Variants in EIF4G3 observed in about 807,000 individuals in gnomAD.
EIF4G3 encodes eIF-4-gamma 3.
EIF4G3 carries 34 observed loss-of-function variants against 186.4 expected under a neutral mutation model. The observed-to-expected ratio is 0.18, with a 90% CI of 0.14 to 0.24. The LOEUF is 0.24. Ranked by LOEUF, EIF4G3 falls within the 10% of genes least tolerant of loss-of-function variation. The pLI is 1.00. For missense variants in EIF4G3, 1,536 were observed against 1,948.5 expected (o/e 0.79, Z 3.99); for synonymous variants, 673 against 679.5 (o/e 0.99, Z 0.15).
chr1:21,132,423 A>C (rs969443737), intron 2 of EIF4G3, among the ~76,000 whole-genome samples: 1 of 152,114 alleles, frequency 6.6e-6, no homozygotes, highest in Non-Finnish European at 1.5e-5. Flanking sequence ...CTGAATAGTG[A>C]AATTAGGGTT....
rs1318377568 is a variant in EIF4G3, at chr1:20,882,640, C to CA, written c.2425-3121dup. Among the ~76,000 whole-genome samples the CA allele has an allele frequency of 3.2e-4, 45 of 138,534 alleles. No homozygotes were observed. The South Asian group carries it at 8.3e-3, about 26-fold the overall frequency. The allele number at this position is 138,534 out of a possible 152,430, so 90.9% of individuals were successfully genotyped here. ...CATCTCAAAAAAAAACAAAAAAAAA[C>CA]AAAAAAAAATTAACAAATTAGCCAG... On this transcript the variant is annotated intron_variant, in intron 19 of 36. Coordinates refer to ENST00000602326, the MANE Select transcript of EIF4G3 (RefSeq NM_001391906.1).
At chr1:21,139,454 C>T (rs951270386) in intron 2 of EIF4G3, among the ~76,000 whole-genome samples, 2 of 151,454 alleles carry the variant, frequency 1.3e-5, no homozygotes, top group Non-Finnish European at 2.9e-5. Context: ...GACCCTGTCT[C>T]GGAAAAAAAC....
At chr1:20,860,084 G>A (rs2075991317) in intron 24 of EIF4G3, among the ~76,000 whole-genome samples, 1 of 152,082 alleles carries the variant, frequency 6.6e-6, no homozygotes, top group Non-Finnish European at 1.5e-5. Context: ...ACTTTGAGAG[G>A]GAAGTAACTA....
chr1:20,837,472 G>T (rs1381316880), intron 30 of EIF4G3, among the ~76,000 whole-genome samples: 1 of 152,120 alleles, frequency 6.6e-6, no homozygotes, highest in Non-Finnish European at 1.5e-5. Context: ...CCAAAGTGCT[G>T]GGATTACAGG....
intron 18 of EIF4G3, chr1:20,892,854 T>G (rs1390889289): frequency 1.5e-6 from 1 of 647,794 alleles, no homozygotes; most frequent in Non-Finnish European, 2.6e-6. Flanking sequence ...TATATATTTT[T>G]TCAGAGACAG....
intron 2 of EIF4G3, 60 bp from the exon 3 acceptor site, chr1:21,089,273 A>G: frequency 1.4e-6 from 1 of 705,960 alleles, no homozygotes. Context: ...GTTAGAGAAA[A>G]TTGCAACCAC....
At chr1:20,845,300 C>T (rs1285293821) in intron 29 of EIF4G3, among the ~76,000 whole-genome samples, 2 of 152,030 alleles carry the variant, frequency 1.3e-5, no homozygotes, top group Non-Finnish European at 2.9e-5. Flanking sequence ...TTCTCTATTC[C>T]GTTCCACTGG....
intron 23 of EIF4G3, among the ~76,000 whole-genome samples, 171 bp downstream of exon 23, chr1:20,862,057 C>T (rs563256212): frequency 6.6e-6 from 1 of 152,122 alleles, no homozygotes; most frequent in Non-Finnish European, 1.5e-5. Context: ...TGGCAATAGG[C>T]CTTTTGTCCC....
rs1013231420 is a variant in EIF4G3 at position 21,062,648 on chromosome 1, G to A, written c.-195-11654C>T. Among the ~76,000 whole-genome samples, 12 of 152,038 alleles carry A rather than the reference G, an allele frequency of 7.9e-5. No homozygotes were observed. In the East Asian group the frequency reaches 1.7e-3, roughly 22 times the overall value. ...CTCGTTGCCCAAGCTGGAGTGCAACGGTGCAATCTTGGCTCACTGCAACCA... is the reference window on the plus strand; with the variant it reads ...CTCGTTGCCCAAGCTGGAGTGCAACAGTGCAATCTTGGCTCACTGCAACCA... On this transcript the variant is annotated intron_variant, in intron 3 of 36. Coordinates refer to ENST00000602326, the MANE Select transcript of EIF4G3 (RefSeq NM_001391906.1).
intron 2 of EIF4G3, among the ~76,000 whole-genome samples, chr1:21,148,524 A>C (rs1175549569): frequency 6.6e-6 from 1 of 151,954 alleles, no homozygotes; most frequent in Non-Finnish European, 1.5e-5. Flanking sequence ...AACACGGTGA[A>C]ACCCCATCTC....
chr1:21,054,742 G>A (rs2094485378), intron 3 of EIF4G3, among the ~76,000 whole-genome samples: 3 of 152,010 alleles, frequency 2.0e-5, no homozygotes. Flanking sequence ...CTAGTCCCTG[G>A]TACTCTAACC....
chr1:20,871,163 T>TCCC (rs1233449868), intron 20 of EIF4G3, among the ~76,000 whole-genome samples: 4 of 152,146 alleles, frequency 2.6e-5, no homozygotes, highest in African/African-American at 9.7e-5. Context: ...CAAAAGAGGT[T>TCCC]TTAAATGGAG....
Position 20,940,193 on chromosome 1 carries a change from G to A in EIF4G3, c.1663+1298C>T, listed in dbSNP as rs72652977. 3.9e-3 allele frequency among the ~76,000 whole-genome samples: 586 copies of A among 152,192 alleles called. 2 individuals are homozygous for A. The highest frequency in any genetic ancestry group is 6.7e-3 in the Non-Finnish European group (457 of 67,988). Reference sequence around the variant, plus strand: ...TTCTAAAGGGTAACTGACAAAACAAGGTCTAAGGTCATCTCTCCACCAAGG... The same window carrying A: ...TTCTAAAGGGTAACTGACAAAACAAAGTCTAAGGTCATCTCTCCACCAAGG... On this transcript the variant is annotated intron_variant, in intron 14 of 36. Coordinates refer to ENST00000602326, the MANE Select transcript of EIF4G3 (RefSeq NM_001391906.1).
chr1:21,019,437 A>G (rs2090106499), intron 4 of EIF4G3, among the ~76,000 whole-genome samples: 1 of 152,252 alleles, frequency 6.6e-6, no homozygotes, highest in South Asian at 2.1e-4. Flanking sequence ...CATAAATGGT[A>G]GACAGCTATA....
At chr1:20,961,443 C>T (rs1304249590) in intron 12 of EIF4G3, among the ~76,000 whole-genome samples, 1 of 152,020 alleles carries the variant, frequency 6.6e-6, no homozygotes, top group Admixed American at 6.6e-5. Flanking sequence ...TCAGTGTACC[C>T]ACAAAAATTT....
At chr1:20,827,790 C>T in intron 31 of EIF4G3, 92 bp from the exon 32 acceptor site, 1 of 756,840 alleles carries the variant, frequency 1.3e-6, no homozygotes, top group Non-Finnish European at 2.2e-6. Context: ...AAACCAGATA[C>T]TGTGCAACCT....
chr1:20,865,059 T>TTTC (rs2077263620), intron 21 of EIF4G3, 57 bp downstream of exon 21: 1 of 1,592,230 alleles, frequency 6.3e-7, no homozygotes, highest in Non-Finnish European at 8.6e-7. Flanking sequence ...CTTCCTGAAA[T>TTTC]TTCTACTTTA....
intron 4 of EIF4G3, among the ~76,000 whole-genome samples, chr1:21,043,905 G>A (rs1027308684): frequency 3.3e-5 from 5 of 150,858 alleles, no homozygotes; most frequent in South Asian, 2.1e-4. Context: ...AAGAAAGAGA[G>A]AGAGAGAGAG....
intron 2 of EIF4G3, among the ~76,000 whole-genome samples, chr1:21,111,776 ACTTCCTGAAAGAATGTCTCTCTGC>A (rs572224985): frequency 6.6e-6 from 1 of 152,306 alleles, no homozygotes; most frequent in African/African-American, 2.4e-5. Flanking sequence ...GCATTTATTC[ACTTCCTGAAAGAATGTCTCTCTGC>A]CATGAAAGCT....
Sources: allele counts gnomAD v4.1 joint callset (sites outside exome capture counted in the v4.1 genomes callset), GRCh38; gene constraint gnomAD v4.1.1; transcripts MANE v1.5; gene names NCBI Gene and HGNC (gene_info 2026-07-23, HGNC 2026-07-21).